NCOR2: variants seen among roughly 807,000 people sequenced by gnomAD.
NCOR2 encodes the protein nuclear receptor corepressor 2, also known as CTG repeat protein 26.
NCOR2 carries 81 observed loss-of-function variants against 262.9 expected under a neutral mutation model. That is an observed-to-expected ratio of 0.31 (90% CI 0.26 to 0.37). The LOEUF (loss-of-function observed/expected upper bound fraction) is 0.37, where lower values mean the gene tolerates loss of function less well. Among genes scored for constraint, NCOR2 ranks in the 10% least tolerant of loss-of-function variants. NCOR2 has a pLI of 1.00. For missense variants in NCOR2, 3,385 were observed against 3,621.4 expected, an observed-to-expected ratio of 0.93 and a Z score of 1.68; for synonymous variants, 1,659 against 1,559.3, an observed-to-expected ratio of 1.06 and a Z score of -1.51.
chr12:124,459,872 C>T (rs538013854), intron 5 of NCOR2, among the ~76,000 whole-genome samples: 6 of 152,144 alleles, frequency 3.9e-5, no homozygotes, highest in Non-Finnish European at 8.8e-5. Context: ...GGACCTTGAC[C>T]TCTGCTGGCC....
intron 1 of NCOR2, among the ~76,000 whole-genome samples, chr12:124,493,757 G>A (rs537022922): frequency 6.6e-6 from 1 of 152,274 alleles, no homozygotes; most frequent in Non-Finnish European, 1.5e-5. Context: ...TTTCCCACTG[G>A]GAGTCTATTC....
rs189608143 is a variant in NCOR2 at position 124,449,049 on chromosome 12, G to T, written c.815+766C>A. Among the ~76,000 whole-genome samples the T allele has an allele frequency of 2.4e-3, 371 of 152,164 alleles. 2 individuals carry two copies. Among genetic ancestry groups the T allele is most frequent in the African/African-American group, 8.8e-3 (366 of 41,504 alleles). On this transcript the variant is annotated intron_variant, in intron 7 of 46. Transcript: ENST00000405201. ...GCCCCTTTTACCTTTTGGGTTCCTGGGCACTAACATGAGATAACATGCCCT... is the reference window on the plus strand; with the variant it reads ...GCCCCTTTTACCTTTTGGGTTCCTGTGCACTAACATGAGATAACATGCCCT...
chr12:124,401,055 C>T lies in NCOR2; in HGVS notation c.1641-382G>A, dbSNP rs565030160. On this transcript the variant is annotated intron_variant, in intron 14 of 46. Transcript: ENST00000405201. ...CTCCATCTCTACAAAAGAAAAAGAT[C>T]AGAAAATTAGCCAGGCGTGGTGGCA... Among the ~76,000 whole-genome samples the T allele has an allele frequency of 2.0e-5, 3 of 152,152 alleles. No homozygotes were observed. The South Asian group carries it at 6.2e-4, about 32-fold the overall frequency.
At position 124,389,047 on chromosome 12, in the gene NCOR2, C is replaced by T. The variant is rs902478693; in HGVS notation, c.1877-3160G>A. Among the ~76,000 whole-genome samples, 2 of 152,218 alleles carry T rather than the reference C, an allele frequency of 1.3e-5. No individual in the cohort carries two copies. Among genetic ancestry groups the T allele is most frequent in the African/African-American group, 2.4e-5 (1 of 41,456 alleles). On this transcript the variant is annotated intron_variant, in intron 16 of 46. Transcript: ENST00000405201. The surrounding 1 kb of genome is among the most constrained non-coding windows in gnomAD (Gnocchi z 4.4). The stretch of plus-strand genomic sequence containing the variant: ...CCGTCCCCAAGCCGCTGTGGGCGCG[C>T]GAGGTGCCCTTCCCCGAGGGTGGTG...
chr12:124,371,922 A>G (rs1034769905), intron 20 of NCOR2, 100 bp downstream of exon 22: 3 of 1,243,736 alleles, frequency 2.4e-6, no homozygotes, highest in Non-Finnish European at 3.2e-6. Flanking sequence ...GCTCCCCCAA[A>G]GCAGGCAGAG....
Position 124,563,888 on chromosome 12 carries a change from A to G in NCOR2, c.-165+3420T>C, listed in dbSNP as rs73427644. 2.8e-3 allele frequency among the ~76,000 whole-genome samples: 425 copies of G among 152,354 alleles called. 3 individuals are homozygous for G. Among genetic ancestry groups the G allele is most frequent in the African/African-American group, 9.8e-3 (409 of 41,580 alleles). On this transcript the variant is annotated intron_variant, in intron 1 of 32. Transcript: ENST00000458234. ...CGGCAGCTTTGCAAAGCAGGTCTGCAGTAAATTCCTGCTGCACTAACACGA... is the reference window on the plus strand; with the variant it reads ...CGGCAGCTTTGCAAAGCAGGTCTGCGGTAAATTCCTGCTGCACTAACACGA...
chr12:124,398,100 G>A lies in NCOR2; in HGVS notation c.1876+19C>T. 1.2e-6 allele frequency: 2 copies of A among 1,614,096 alleles called. No homozygotes were observed. The highest frequency in any genetic ancestry group is 2.7e-5 in the African/African-American group (2 of 75,054). ...TGGATGCAAACCAACAAGGCTTAAA[G>A]CCGCCACACACCCCTCACCTTTCTT... On this transcript the variant is annotated intron_variant, in intron 16 of 46. Transcript: ENST00000405201.
Position 124,486,688 on chromosome 12 carries a change from T to C in NCOR2, c.106-120A>G, listed in dbSNP as rs542420978. ...CAGGCTCGCTCCTGCCCTAGGCAGA[T>C]AAGCCCAAGTCCTGCAGGGAACCTC... On this transcript the variant is annotated intron_variant, in intron 1 of 46. Coordinates refer to ENST00000405201, the Ensembl canonical transcript of NCOR2. The C allele has an allele frequency of 6.3e-6, 8 of 1,273,412 alleles. No individual in the cohort carries two copies. In the African/African-American group the frequency reaches 1.2e-4, roughly 19 times the overall value. The allele number at this position is 1,273,412 out of a possible 1,614,324, so 78.9% of individuals were successfully genotyped here.
chr12:124,476,814 G>A (rs1272915613), intron 3 of NCOR2, among the ~76,000 whole-genome samples: 1 of 151,678 alleles, frequency 6.6e-6, no homozygotes, highest in Non-Finnish European at 1.5e-5. Flanking sequence ...GCAATGTGAA[G>A]GGCTGGACAT....
At chr12:124,496,121 T>TA (rs1357201980), upstream of NCOR2, among the ~76,000 whole-genome samples, 1 of 151,954 alleles carries the variant, frequency 6.6e-6, no homozygotes, top group Admixed American at 6.5e-5. This position sits in a 1 kb window ranked among gnomAD's most constrained non-coding sequence, Gnocchi z 4.4. Flanking sequence ...CGAAGCGGGC[T>TA]AGCAGCTTTA....
At chr12:124,371,888 T>C in intron 20 of NCOR2, 134 bp downstream of exon 22, 2 of 890,648 alleles carry the variant, frequency 2.2e-6, no homozygotes, top group Non-Finnish European at 3.3e-6. Context: ...CTACTCCAAG[T>C]CTGCCTCCCT....
Position 124,378,468 on chromosome 12 carries a change from G to T in NCOR2, c.2020-84C>A, listed in dbSNP as rs547171593. 1.4e-6 allele frequency: 2 copies of T among 1,388,298 alleles called. No individual in the cohort carries two copies. Among genetic ancestry groups the T allele is most frequent in the Admixed American group, 2.3e-5 (1 of 42,794 alleles). 86.0% of individuals were successfully genotyped at this position (1,388,298 alleles called of 1,614,324 possible). ...CCCCATGCCTGGGGCCTCGCCGCAG[G>T]TGCAAAGGGCAGTGATCCCGGCCAT... is the stretch of plus-strand genomic sequence containing the variant. On this transcript the variant is annotated intron_variant, in intron 17 of 46. Transcript: ENST00000405201. This position sits in a 1 kb window ranked among gnomAD's most constrained non-coding sequence, Gnocchi z 4.2.
At chr12:124,331,958 G>T (rs781148799) in intron 43 of NCOR2, 68 of 251,338 alleles carry the variant, frequency 2.7e-4, no homozygotes, top group Admixed American at 4.7e-4. Flanking sequence ...TTCATACCCA[G>T]CAACCACGTC....
At chr12:124,402,287 C>CT (rs2042026714) in intron 14 of NCOR2, 117 bp downstream of exon 16, 5 of 1,540,980 alleles carry the variant, frequency 3.2e-6, no homozygotes, top group Non-Finnish European at 4.4e-6. Context: ...GCCCTCCCCC[C>CT]TGCTCACAGG....
At chr12:124,327,801 C>G (rs908440488) in intron 44 of NCOR2, 168 bp from the exon 47 acceptor site, 1 of 609,646 alleles carries the variant, frequency 1.6e-6, no homozygotes. Context: ...ATTTATTTCC[C>G]TATCCCTCCC....
rs941384427 is a variant in NCOR2, at chr12:124,455,000, G to A, written c.762+2106C>T. ...AGGAACGAAGGACCGACCCACGCTCGACACGGATGAACCTCGAAAACATGA... is the reference window on the plus strand; with the variant it reads ...AGGAACGAAGGACCGACCCACGCTCAACACGGATGAACCTCGAAAACATGA... On this transcript the variant is annotated intron_variant, in intron 6 of 46. Coordinates refer to ENST00000405201, the Ensembl canonical transcript of NCOR2. This position sits in a 1 kb window ranked among gnomAD's most constrained non-coding sequence, Gnocchi z 5.6. Among the ~76,000 whole-genome samples, 5 of 152,222 alleles carry A rather than the reference G, an allele frequency of 3.3e-5. No individual in the cohort carries two copies. The highest frequency in any genetic ancestry group is 2.1e-4 in the South Asian group (1 of 4,816).
intron 7 of NCOR2, among the ~76,000 whole-genome samples, chr12:124,448,919 C>T (rs2045355349): frequency 6.6e-6 from 1 of 152,214 alleles, no homozygotes; most frequent in Non-Finnish European, 1.5e-5. Context: ...TACCCTCTCA[C>T]CATGACGAAC....
intron 27 of NCOR2, among the ~76,000 whole-genome samples, chr12:124,351,544 T>C (rs2037466169): frequency 6.6e-6 from 1 of 152,080 alleles, no homozygotes; most frequent in Non-Finnish European, 1.5e-5. Flanking sequence ...TGAGAACCAC[T>C]GCCATATAGG....
At chr12:124,511,186 C>A (rs547005813) in intron 1 of NCOR2, among the ~76,000 whole-genome samples, 1 of 152,328 alleles carries the variant, frequency 6.6e-6, no homozygotes, top group South Asian at 2.1e-4. Flanking sequence ...TTTCGGGGTA[C>A]CACCTACACC....
Sources: gnomAD v4.1 joint callset for allele counts (sites outside exome capture counted in the v4.1 genomes callset) on GRCh38, gnomAD v4.1.1 for gene constraint, Gnocchi (gnomAD v3.1) non-coding constraint, MANE v1.5 for transcripts, NCBI Gene and HGNC (gene_info 2026-07-23, HGNC 2026-07-21) for gene names.